Variants in ELN observed in about 807,000 individuals in gnomAD.
The protein encoded by ELN is elastin.
In ELN, 65 loss-of-function variants were observed where a neutral mutation model predicts 105.8. The ratio of observed to expected loss-of-function variants is 0.61; its 90% CI spans 0.50 to 0.75. The LOEUF is 0.75. Ranked by LOEUF, ELN falls within the 30% of genes least tolerant of loss-of-function variation. The probability of loss-of-function intolerance (pLI) is 0.00; values close to 1 mark genes in which losing one functional copy is unlikely to be tolerated. For missense variants in ELN, 882 were observed against 969.4 expected (o/e 0.91, Z 1.20); for synonymous variants, 368 against 389.2 (o/e 0.95, Z 0.64).
intron 5 of ELN, among the ~76,000 whole-genome samples, chr7:74,042,125 A>T (rs1468865409): frequency 6.6e-6 from 1 of 151,398 alleles, no homozygotes; most frequent in African/African-American, 2.4e-5. Context: ...TCGGCACACA[A>T]TCTAGTTCTG....
intron 30 of ELN, 65 bp from the exon 31 acceptor site, chr7:74,065,879 G>C (rs1554688768): frequency 6.2e-7 from 1 of 1,613,150 alleles, no homozygotes; most frequent in Non-Finnish European, 8.5e-7. Flanking sequence ...CCAGAACCCA[G>C]CAGGGATATC....
intron 1 of ELN, among the ~76,000 whole-genome samples, chr7:74,031,598 T>C (rs1795782595): frequency 6.6e-6 from 1 of 151,724 alleles, no homozygotes; most frequent in African/African-American, 2.4e-5. Context: ...CCAGCAGAAG[T>C]GACATTTGAG....
chr7:74,048,302 C>A, intron 14 of ELN, 101 bp downstream of exon 14: 2 of 1,562,226 alleles, frequency 1.3e-6, no homozygotes, highest in Non-Finnish European at 1.8e-6. Context: ...CAGCAGCCCA[C>A]CCTGCATCCA....
intron 1 of ELN, 89 bp from the exon 2 acceptor site, chr7:74,035,275 T>C: frequency 7.3e-7 from 1 of 1,367,834 alleles, no homozygotes; most frequent in Admixed American, 1.8e-5. Context: ...GGTTTTGCCA[T>C]TGAAAGTAAT....
chr7:74,032,943 A>G (rs1378654522), intron 1 of ELN, among the ~76,000 whole-genome samples: 1 of 152,246 alleles, frequency 6.6e-6, no homozygotes, highest in Non-Finnish European at 1.5e-5. Flanking sequence ...CGGACTGTGC[A>G]GTGAAATGGG....
Position 74,056,712 on chromosome 7 carries a change from C to T in ELN, c.1356C>T (p.Tyr452=), listed in dbSNP as rs149927009. The change falls in exon 21 of 33, where the codon TAC becomes TAT. Residue 452 remains tyrosine, a splice_region_variant and synonymous_variant. Coordinates refer to ENST00000252034, the MANE Select transcript of ELN (RefSeq NM_000501.4). The part of the protein sequence containing the change: ...QAAAAAKAAK[Y]GVGTPAAAAA... Reference sequence around the variant, plus strand: ...CAGCTGCCGCCAAGGCTGCCAAGTACGGTAAGTGCCCCTGCCCTGCCTGTC... The same window carrying T: ...CAGCTGCCGCCAAGGCTGCCAAGTATGGTAAGTGCCCCTGCCCTGCCTGTC... 30 of 1,613,814 alleles carry T rather than the reference C, an allele frequency of 1.9e-5. No individual in the cohort carries two copies. Among genetic ancestry groups the T allele is most frequent in the East Asian group, 1.3e-4 (6 of 44,874 alleles).
At chr7:74,052,377 G>A (rs1794230569) in intron 17 of ELN, 2 of 270,460 alleles carry the variant, frequency 7.4e-6, no homozygotes, top group African/African-American at 2.2e-5. Flanking sequence ...AAAACCAGGA[G>A]TTTGAGACCA....
intron 15 of ELN, among the ~76,000 whole-genome samples, chr7:74,051,283 G>A (rs1554675834): frequency 6.6e-6 from 1 of 152,194 alleles, no homozygotes; most frequent in East Asian, 1.9e-4. Context: ...CCCCCTCCCA[G>A]CACCCGAGGC....
At position 74,068,767 on chromosome 7, in the gene ELN, C is replaced by G; in HGVS notation, c.*67C>G. 1 of 1,583,874 alleles carries G rather than the reference C, an allele frequency of 6.3e-7. No homozygotes were observed. Among genetic ancestry groups the G allele is most frequent in the South Asian group, 1.1e-5 (1 of 90,472 alleles). On this transcript the variant is annotated 3_prime_UTR_variant, in exon 33 of 33. Transcript: ENST00000252034. ...GCTACTGCTTGGTGGAGAATGTAAA[C>G]CCTTTGTAACCCCATCCCATGCCCC...
At position 74,060,405 on chromosome 7, in the gene ELN, C is replaced by G; in HGVS notation, c.1651C>G (p.Pro551Ala). ...TGCAGCTGGGCTTGGTGCTGGCATC[C>G]CTGGACTTGGAGTTGGTGTCGGCGT... ...RAAAGLGAGI[P>A]GLGVGVGVPG... is the part of the protein sequence containing the mutation. The change falls in exon 25 of 33, where the codon CCT becomes GCT. Residue 551 changes from proline to alanine, a missense_variant. Pro to Ala is a conservative substitution (Grantham distance 27, BLOSUM62 -1). Coordinates refer to ENST00000252034, the MANE Select transcript of ELN (RefSeq NM_000501.4). 6.2e-7 allele frequency: 1 copy of G among 1,614,062 alleles called. No homozygotes were observed. The highest frequency in any genetic ancestry group is 8.5e-7 in the Non-Finnish European group (1 of 1,179,992).
intron 22 of ELN, among the ~76,000 whole-genome samples, chr7:74,058,080 T>TCCTCCTCCTCCTTCTCCTTCTC (rs1179657902): frequency 2.0e-5 from 3 of 150,904 alleles, no homozygotes; most frequent in African/African-American, 2.4e-5. Flanking sequence ...TTCTTTCTTC[T>TCCTCCTCCTCCTTCTCCTTCTC]CCTCCTCCTC....
chr7:74,066,681 G>A lies in ELN; in HGVS notation c.2087-51G>A, dbSNP rs373027709. On this transcript the variant is annotated intron_variant, in intron 31 of 32. Coordinates refer to ENST00000252034, the MANE Select transcript of ELN (RefSeq NM_000501.4). ...AGTGCAGGCAGAAAGTGATGAGGCT[G>A]GAGTCAGTTTCCACCCCTACCAACC... is the stretch of plus-strand genomic sequence containing the variant. The A allele has an allele frequency of 1.2e-5, 19 of 1,597,930 alleles. No homozygotes were observed. The East Asian group carries it at 2.9e-4, about 24-fold the overall frequency.
intron 17 of ELN, chr7:74,052,218 T>C (rs148317012): frequency 2.4e-4 from 137 of 572,220 alleles, no homozygotes; most frequent in Non-Finnish European, 3.3e-4. Flanking sequence ...CTCCTCCCAC[T>C]CCATCCCCTC....
chr7:74,039,873 G>T (rs1281576080), intron 4 of ELN, among the ~76,000 whole-genome samples: 1 of 152,232 alleles, frequency 6.6e-6, no homozygotes. Context: ...GCTCATGGAG[G>T]CTGGGTAGCA....
At chr7:74,041,380 C>A in intron 5 of ELN, 129 bp downstream of exon 5, 1 of 1,157,528 alleles carries the variant, frequency 8.6e-7, no homozygotes, top group South Asian at 1.3e-5. Context: ...CTGACGGGGA[C>A]TGATGCTGAT....
intron 19 of ELN, 39 bp downstream of exon 19, chr7:74,054,808 G>A (rs1168898946): frequency 6.2e-7 from 1 of 1,612,510 alleles, no homozygotes; most frequent in African/African-American, 1.3e-5. Context: ...ACCCTGTCCT[G>A]GCCTTTACTT....
chr7:74,046,352 G>T (rs1583799121), intron 11 of ELN, 135 bp downstream of exon 11: 4 of 1,297,606 alleles, frequency 3.1e-6, no homozygotes, highest in Middle Eastern at 2.5e-4. Context: ...TCTTGCAGTG[G>T]CTGTAGCACA....
intron 21 of ELN, chr7:74,057,338 T>G: frequency 1.4e-6 from 2 of 1,426,902 alleles, no homozygotes; most frequent in Non-Finnish European, 1.8e-6. Flanking sequence ...CCCCAAAAAG[T>G]GAGTACTGGG....
In ELN at chr7:74,028,205, G is replaced by T; in HGVS notation, c.18G>T (p.Ala6=). The part of the protein sequence containing the change: MAGLT[A]AAPRPGVLLL... ...TCCCCGAGATGGCGGGTCTGACGGC[G>T]GCGGCCCCGCGGCCCGGAGTCCTCC... The change falls in exon 1 of 33, where the codon GCG becomes GCT. Residue 6 remains alanine, a synonymous_variant. Transcript: ENST00000252034. 6.2e-7 allele frequency: 1 copy of T among 1,610,890 alleles called. No individual in the cohort carries two copies. Among genetic ancestry groups the T allele is most frequent in the Non-Finnish European group, 8.5e-7 (1 of 1,179,468 alleles).
Sources: allele counts gnomAD v4.1 joint callset (sites outside exome capture counted in the v4.1 genomes callset), GRCh38; gene constraint gnomAD v4.1.1; transcripts MANE v1.5; gene names NCBI Gene and HGNC (gene_info 2026-07-23, HGNC 2026-07-21).